The following POU2F1 variants were observed in gnomAD, a reference collection of about 807,000 sequenced individuals.
POU2F1 encodes the protein POU domain, class 2, transcription factor 1.
Under a neutral mutation model 84.9 loss-of-function variants are expected in POU2F1, and 16 were observed. That is an observed-to-expected ratio of 0.19 (90% CI 0.13 to 0.29). The LOEUF (loss-of-function observed/expected upper bound fraction) is 0.29, where lower values mean the gene tolerates loss of function less well. Among genes scored for constraint, POU2F1 ranks in the 10% least tolerant of loss-of-function variants. The pLI, the probability that POU2F1 is intolerant of heterozygous loss-of-function variation, is 1.00. For synonymous variants in POU2F1, 368 were observed against 368.3 expected (o/e 1.00, Z 0.01); for missense variants, 738 against 942.6 (o/e 0.78, Z 2.84).
At chr1:167,337,977 C>G in intron 2 of POU2F1, 2 of 379,162 alleles carry the variant, frequency 5.3e-6, no homozygotes, top group South Asian at 2.0e-5. Context: ...CAGCATGGAC[C>G]CTTTTATGAT....
intron 2 of POU2F1, among the ~76,000 whole-genome samples, chr1:167,353,734 A>G (rs1658742637): frequency 6.6e-6 from 1 of 152,036 alleles, no homozygotes; most frequent in Admixed American, 6.6e-5. Flanking sequence ...TTCTTTTACG[A>G]TTTTATGCAA....
chr1:167,391,543 A>G (rs1055605557), intron 9 of POU2F1, among the ~76,000 whole-genome samples: 13 of 129,974 alleles, frequency 1.0e-4, no homozygotes, highest in Non-Finnish European at 1.7e-4. Flanking sequence ...ACATTTATAT[A>G]TATCTTTATA....
chr1:167,320,176 A>ATG (rs1384720974), intron 1 of POU2F1, among the ~76,000 whole-genome samples: 1 of 152,212 alleles, frequency 6.6e-6, no homozygotes, highest in African/African-American at 2.4e-5. Context: ...TTTTCAACTA[A>ATG]CTGTGTAGAA....
intron 2 of POU2F1, among the ~76,000 whole-genome samples, chr1:167,334,748 T>C (rs1349055110): frequency 6.6e-6 from 1 of 152,260 alleles, no homozygotes. Context: ...TAGATAATTG[T>C]ATGCTTACAA....
chr1:167,392,873 C>T (rs1038799806), intron 9 of POU2F1, among the ~76,000 whole-genome samples: 1 of 152,186 alleles, frequency 6.6e-6, no homozygotes, highest in Non-Finnish European at 1.5e-5. Context: ...AAAGGTTGCT[C>T]TGTGTCCAAT....
intron 1 of POU2F1, among the ~76,000 whole-genome samples, chr1:167,270,196 C>T (rs1652271307): frequency 6.6e-6 from 1 of 151,640 alleles, no homozygotes; most frequent in African/African-American, 2.4e-5. Flanking sequence ...TTTTTTTCCC[C>T]ATATGTTCTT....
Position 167,319,533 on chromosome 1 carries a change from G to C in POU2F1, c.62-12937G>C, listed in dbSNP as rs1656163631. On this transcript the variant is annotated intron_variant, in intron 1 of 15. Transcript: ENST00000367866. The stretch of plus-strand genomic sequence containing the variant: ...ATTCTTTCCACTATGGCTTGTCCTT[G>C]AGAATTACATGGGATACCAGTAATG... Among the ~76,000 whole-genome samples, 5 of 151,946 alleles carry C rather than the reference G, an allele frequency of 3.3e-5. No individual in the cohort carries two copies. In the South Asian group the frequency reaches 1.0e-3, roughly 32 times the overall value.
chr1:167,244,530 C>T (rs2102383239), intron 1 of POU2F1, among the ~76,000 whole-genome samples: 1 of 152,336 alleles, frequency 6.6e-6, no homozygotes, highest in South Asian at 2.1e-4. Flanking sequence ...AGAGTCACAG[C>T]TTTTGTAACC....
At chr1:167,411,079 C>T (rs1236096600) in intron 13 of POU2F1, among the ~76,000 whole-genome samples, 10 of 149,704 alleles carry the variant, frequency 6.7e-5, no homozygotes, top group Admixed American at 4.7e-4. Context: ...CTTGCTCTGT[C>T]GCCAGGCTGG....
At chr1:167,264,445 T>C (rs1472423480) in intron 1 of POU2F1, among the ~76,000 whole-genome samples, 1 of 152,178 alleles carries the variant, frequency 6.6e-6, no homozygotes, top group Admixed American at 6.5e-5. Flanking sequence ...AAGATGAACC[T>C]GGAGAGTTAA....
chr1:167,387,656 T>C (rs973198631), intron 8 of POU2F1, among the ~76,000 whole-genome samples: 1 of 152,172 alleles, frequency 6.6e-6, no homozygotes, highest in African/African-American at 2.4e-5. Flanking sequence ...CCACAGACTT[T>C]ATCTGTAATT....
chr1:167,371,885 C>T, intron 4 of POU2F1, 32 bp from the exon 5 acceptor site: 1 of 1,613,306 alleles, frequency 6.2e-7, no homozygotes, highest in South Asian at 1.1e-5. Flanking sequence ...CAACCATTTG[C>T]AATCTTTTAT....
At chr1:167,335,560 C>T (rs961199791) in intron 2 of POU2F1, among the ~76,000 whole-genome samples, 1 of 152,068 alleles carries the variant, frequency 6.6e-6, no homozygotes, top group African/African-American at 2.4e-5. Flanking sequence ...TATACAGTAA[C>T]AGAGAATTGA....
chr1:167,227,521 C>T (rs984576450), intron 1 of POU2F1, among the ~76,000 whole-genome samples: 1 of 152,082 alleles, frequency 6.6e-6, no homozygotes, highest in Admixed American at 6.5e-5. Context: ...GGAAAAGTGA[C>T]TTAGGTGTTT....
chr1:167,367,297 C>T (rs1166364370), intron 3 of POU2F1, among the ~76,000 whole-genome samples: 1 of 152,148 alleles, frequency 6.6e-6, no homozygotes, highest in Non-Finnish European at 1.5e-5. Flanking sequence ...GGCTTTAGGT[C>T]TGTTGCCCCA....
chr1:167,324,471 G>A (rs374392535), intron 1 of POU2F1, among the ~76,000 whole-genome samples: 95 of 150,932 alleles, frequency 6.3e-4, no homozygotes, highest in African/African-American at 2.3e-3. Context: ...AAAAATTGGT[G>A]AATGAATGTG....
chr1:167,263,820 C>T (rs1571191457), intron 1 of POU2F1, among the ~76,000 whole-genome samples: 1 of 152,170 alleles, frequency 6.6e-6, no homozygotes, highest in Non-Finnish European at 1.5e-5. Context: ...CTCATTTACT[C>T]TAGTTCTTGT....
rs983241222 is a variant in POU2F1 at position 167,336,234 on chromosome 1, A to C, written c.127+3699A>C. ...ATACAGTATAAATCGTAATTGGATAAAATTAACTGCATTACCTACTATACT... is the reference window on the plus strand; with the variant it reads ...ATACAGTATAAATCGTAATTGGATACAATTAACTGCATTACCTACTATACT... On this transcript the variant is annotated intron_variant, in intron 2 of 15. Transcript: ENST00000367866. Among the ~76,000 whole-genome samples the C allele has an allele frequency of 2.0e-5, 3 of 152,240 alleles. No individual in the cohort carries two copies. In the East Asian group the frequency reaches 5.8e-4, roughly 29 times the overall value.
chr1:167,372,898 T>G (rs1660097937), intron 5 of POU2F1, among the ~76,000 whole-genome samples: 1 of 151,444 alleles, frequency 6.6e-6, no homozygotes, highest in Admixed American at 6.6e-5. Flanking sequence ...TCACATCACA[T>G]TAACTCCCAA....
Sources: allele counts gnomAD v4.1 joint callset (sites outside exome capture counted in the v4.1 genomes callset), GRCh38; gene constraint gnomAD v4.1.1; transcripts MANE v1.5; gene names NCBI Gene and HGNC (gene_info 2026-07-23, HGNC 2026-07-21).